Variants in GPC5 observed in about 807,000 individuals in gnomAD.
The protein encoded by GPC5 is glypican 5.
In GPC5, 47 loss-of-function variants were observed where a neutral mutation model predicts 53.9. That is an observed-to-expected ratio of 0.87 (90% CI 0.69 to 1.11). The LOEUF is 1.11. Among genes scored for constraint, GPC5 ranks in the 50% most tolerant of loss-of-function variants. The probability of loss-of-function intolerance (pLI) is 0.00; values close to 1 mark genes in which losing one functional copy is unlikely to be tolerated. For missense variants in GPC5, 748 were observed against 713.1 expected, an observed-to-expected ratio of 1.05 and a Z score of -0.56; for synonymous variants, 286 against 263.3, an observed-to-expected ratio of 1.09 and a Z score of -0.84.
intron 7 of GPC5, among the ~76,000 whole-genome samples, chr13:92,855,861 T>G (rs1169268980): frequency 1.3e-5 from 2 of 151,854 alleles, no homozygotes; most frequent in Non-Finnish European, 2.9e-5. Context: ...CGTAATAAAT[T>G]TTTAAAAACT....
At chr13:91,835,661 A>C (rs560755233) in intron 5 of GPC5, among the ~76,000 whole-genome samples, 1 of 151,648 alleles carries the variant, frequency 6.6e-6, no homozygotes, top group South Asian at 2.1e-4. Flanking sequence ...CCGTGTTCTC[A>C]CTCATAAGTG....
intron 5 of GPC5, among the ~76,000 whole-genome samples, chr13:91,900,149 A>AATT: frequency 6.6e-6 from 1 of 152,158 alleles, no homozygotes; most frequent in Non-Finnish European, 1.5e-5. Flanking sequence ...TGTCAATTAC[A>AATT]TTTGAAAAAA....
intron 2 of GPC5, among the ~76,000 whole-genome samples, chr13:91,543,104 C>T (rs534964063): frequency 4.6e-4 from 70 of 152,256 alleles, no homozygotes; most frequent in African/African-American, 1.6e-3. Flanking sequence ...AATCGGCCCT[C>T]CTGGGCCTCC....
chr13:91,437,572 G>A (rs180707820), intron 1 of GPC5, among the ~76,000 whole-genome samples: 6 of 152,088 alleles, frequency 3.9e-5, no homozygotes, highest in Non-Finnish European at 1.5e-5. Context: ...AGTCTGATGG[G>A]CTTCCCTTTG....
intron 7 of GPC5, among the ~76,000 whole-genome samples, chr13:92,766,241 T>C (rs1211937183): frequency 2.0e-5 from 3 of 152,166 alleles, no homozygotes; most frequent in East Asian, 1.9e-4. Context: ...TATTAAGAAC[T>C]CAAATTGCAA....
chr13:91,512,551 C>T (rs1388814979), intron 2 of GPC5, among the ~76,000 whole-genome samples: 1 of 152,222 alleles, frequency 6.6e-6, no homozygotes, highest in Non-Finnish European at 1.5e-5. Flanking sequence ...TTGGCAAAGG[C>T]CCTGCACACC....
At chr13:91,423,935 C>T (rs147559064) in intron 1 of GPC5, among the ~76,000 whole-genome samples, 1 of 152,128 alleles carries the variant, frequency 6.6e-6, no homozygotes, top group Admixed American at 6.5e-5. Context: ...TAAAAGTTTC[C>T]AATTCAACTG....
At chr13:91,822,184 G>T (rs1386785719) in intron 5 of GPC5, among the ~76,000 whole-genome samples, 1 of 152,178 alleles carries the variant, frequency 6.6e-6, no homozygotes, top group Non-Finnish European at 1.5e-5. Context: ...AGTTATTCAT[G>T]TTACAGTCAA....
chr13:92,544,242 T>C (rs564022137), intron 7 of GPC5, among the ~76,000 whole-genome samples: 22 of 152,078 alleles, frequency 1.4e-4, no homozygotes, highest in Non-Finnish European at 2.9e-4. Flanking sequence ...AACAAGCATT[T>C]GAAAGGCACT....
intron 7 of GPC5, among the ~76,000 whole-genome samples, chr13:92,654,911 A>G (rs774887144): frequency 2.0e-4 from 30 of 152,178 alleles, no homozygotes; most frequent in Non-Finnish European, 3.4e-4. Flanking sequence ...AATATGACTG[A>G]TGTTCTTATA....
chr13:91,839,123 A>G (rs2038755641), intron 5 of GPC5, among the ~76,000 whole-genome samples: 1 of 152,172 alleles, frequency 6.6e-6, no homozygotes, highest in African/African-American at 2.4e-5. Context: ...TAATTTCATA[A>G]TATTCAATAA....
At chr13:91,737,091 G>A (rs1470176611) in intron 4 of GPC5, among the ~76,000 whole-genome samples, 20 of 151,430 alleles carry the variant, frequency 1.3e-4, no homozygotes, top group Admixed American at 1.2e-3. Flanking sequence ...GCAACAGAGC[G>A]AGACTCCGTC....
intron 2 of GPC5, among the ~76,000 whole-genome samples, chr13:91,536,216 A>G (rs748914494): frequency 1.1e-4 from 16 of 152,192 alleles, no homozygotes; most frequent in Non-Finnish European, 1.9e-4. Flanking sequence ...AAATCTGGCA[A>G]AAATGTCACA....
intron 2 of GPC5, among the ~76,000 whole-genome samples, chr13:91,573,577 A>G (rs1362121454): frequency 2.0e-5 from 3 of 152,194 alleles, no homozygotes; most frequent in South Asian, 2.1e-4. Flanking sequence ...GCTTATATTC[A>G]GTATAACACT....
At chr13:92,783,075 T>C (rs1450855860) in intron 7 of GPC5, among the ~76,000 whole-genome samples, 1 of 152,212 alleles carries the variant, frequency 6.6e-6, no homozygotes, top group Non-Finnish European at 1.5e-5. Flanking sequence ...TTAGCTACCA[T>C]TTCTATTGTT....
chr13:91,797,323 A>G (rs556289312), intron 5 of GPC5, among the ~76,000 whole-genome samples: 17 of 152,330 alleles, frequency 1.1e-4, no homozygotes, highest in Admixed American at 4.6e-4. Context: ...TTGTTGCTAC[A>G]AAAAGTAGTG....
At chr13:91,714,602 A>G (rs576090432) in intron 3 of GPC5, among the ~76,000 whole-genome samples, 2 of 152,350 alleles carry the variant, frequency 1.3e-5, no homozygotes, top group Admixed American at 6.5e-5. Context: ...TGAAAAGTAC[A>G]TGGACATGTG....
At chr13:92,234,438 T>C (rs1323935349) in intron 7 of GPC5, among the ~76,000 whole-genome samples, 1 of 152,188 alleles carries the variant, frequency 6.6e-6, no homozygotes, top group African/African-American at 2.4e-5. Context: ...AATGTGTCTT[T>C]TGGTAATTTT....
chr13:92,772,564 C>A (rs1461681121), intron 7 of GPC5, among the ~76,000 whole-genome samples: 1 of 152,166 alleles, frequency 6.6e-6, no homozygotes, highest in Non-Finnish European at 1.5e-5. Flanking sequence ...TAGTATTCTT[C>A]CAATGTCATT....
Sources: allele counts gnomAD v4.1 joint callset (sites outside exome capture counted in the v4.1 genomes callset), GRCh38; gene constraint gnomAD v4.1.1; transcripts MANE v1.5; gene names NCBI Gene and HGNC (gene_info 2026-07-23, HGNC 2026-07-21).